Variants in ACAD9 observed in about 807,000 individuals in gnomAD.
ACAD9 encodes the protein complex I assembly factor ACAD9, mitochondrial.
In ACAD9, 53 loss-of-function variants were observed where a neutral mutation model predicts 70.2. That is an observed-to-expected ratio of 0.75 (90% CI 0.61 to 0.95). The LOEUF (loss-of-function observed/expected upper bound fraction) is 0.95, where lower values mean the gene tolerates loss of function less well. ACAD9 is among the 40% of genes least tolerant of loss of function. The pLI, the probability that ACAD9 is intolerant of heterozygous loss-of-function variation, is 0.00. For synonymous variants in ACAD9, 313 were observed against 312.1 expected (o/e 1.00, Z -0.03); for missense variants, 777 against 802.8 (o/e 0.97, Z 0.39).
Position 128,897,628 on chromosome 3 carries a change from G to T in ACAD9, c.555-4G>T, listed in dbSNP as rs768156087. 1.6e-5 allele frequency: 25 copies of T among 1,612,516 alleles called. No individual in the cohort carries two copies. The East Asian group carries it at 5.4e-4, about 35-fold the overall frequency. On this transcript the variant is annotated splice_polypyrimidine_tract_variant and splice_region_variant and intron_variant, in intron 5 of 17. Transcript: ENST00000308982. Reference sequence around the variant, plus strand: ...CCCTTGACCACATCTTTCTGCATCTGCAGTGGGAGCGATGCAGCCTCAATC... The same window carrying T: ...CCCTTGACCACATCTTTCTGCATCTTCAGTGGGAGCGATGCAGCCTCAATC...
chr3:128,899,549 T>TGC, intron 7 of ACAD9, 88 bp downstream of exon 7: 1 of 1,419,452 alleles, frequency 7.0e-7, no homozygotes, highest in Non-Finnish European at 9.6e-7. Context: ...TGTGTGTGTG[T>TGC]GTGTGTGTGT....
intron 6 of ACAD9, chr3:128,898,552 C>G (rs928520324): frequency 2.7e-6 from 1 of 368,594 alleles, no homozygotes; most frequent in African/African-American, 2.2e-5. Context: ...AGTACAGGCA[C>G]ACAGCTAACT....
chr3:128,901,537 G>A (rs1935740097), intron 8 of ACAD9, among the ~76,000 whole-genome samples, 188 bp downstream of exon 8: 1 of 152,196 alleles, frequency 6.6e-6, no homozygotes, highest in Admixed American at 6.5e-5. Context: ...AGAAGTGTAT[G>A]GTAAGGATTA....
intron 2 of ACAD9, among the ~76,000 whole-genome samples, chr3:128,889,115 G>A (rs1172421016): frequency 6.7e-6 from 1 of 148,652 alleles, no homozygotes; most frequent in African/African-American, 2.5e-5. Flanking sequence ...TGCCTACAGT[G>A]TTCAGCACAG....
At chr3:128,908,020 G>A (rs1935946795) in intron 12 of ACAD9, among the ~76,000 whole-genome samples, 165 bp from the exon 13 acceptor site, 1 of 152,230 alleles carries the variant, frequency 6.6e-6, no homozygotes, top group Admixed American at 6.5e-5. Flanking sequence ...TCATCCCTGT[G>A]CACTCCCTGA....
At chr3:128,907,323 G>T (rs1413601002) in intron 12 of ACAD9, among the ~76,000 whole-genome samples, 1 of 152,154 alleles carries the variant, frequency 6.6e-6, no homozygotes, top group Non-Finnish European at 1.5e-5. Flanking sequence ...CAGCCTGAGG[G>T]CACTGGAGTG....
intron 11 of ACAD9, among the ~76,000 whole-genome samples, chr3:128,905,093 A>C (rs929558597): frequency 6.6e-6 from 1 of 152,154 alleles, no homozygotes; most frequent in Admixed American, 6.5e-5. Context: ...GGTTGCAGTG[A>C]GCCGAGGTTG....
At chr3:128,897,801 C>G in intron 6 of ACAD9, 91 bp downstream of exon 6, 1 of 1,186,284 alleles carries the variant, frequency 8.4e-7, no homozygotes, top group South Asian at 1.3e-5. Context: ...GGGATTGTAC[C>G]TGCTGCTGTA....
intron 1 of ACAD9, among the ~76,000 whole-genome samples, chr3:128,881,253 GCATGGTGAAGAAAGAACA>G: frequency 6.6e-6 from 1 of 152,230 alleles, no homozygotes; most frequent in Admixed American, 6.5e-5. Context: ...CTATCCAGCA[GCATGGTGAAGAAAGAACA>G]CAGATCTTTC....
At chr3:128,886,201 C>T (rs1473732577) in intron 2 of ACAD9, among the ~76,000 whole-genome samples, 1 of 151,158 alleles carries the variant, frequency 6.6e-6, no homozygotes, top group Non-Finnish European at 1.5e-5. Flanking sequence ...CTCCCAGGTT[C>T]AAGTGATTCT....
intron 2 of ACAD9, among the ~76,000 whole-genome samples, chr3:128,886,506 C>T (rs938143226): frequency 1.1e-4 from 16 of 151,832 alleles, no homozygotes. Flanking sequence ...GTCGGGAGTT[C>T]GATACCAGCC....
rs1935225316 is a variant in ACAD9, at chr3:128,885,730, T to C, written c.244+984T>C. 2.7e-5 allele frequency among the ~76,000 whole-genome samples: 4 copies of C among 149,974 alleles called. No individual in the cohort carries two copies. In the Admixed American group the frequency reaches 2.7e-4, roughly 10 times the overall value. Reference sequence around the variant, plus strand: ...TAAAACTGAGAAATTTAAAATATACTGTGGGGCTGGGTGCAGTGGCTCACG... The same window carrying C: ...TAAAACTGAGAAATTTAAAATATACCGTGGGGCTGGGTGCAGTGGCTCACG... On this transcript the variant is annotated intron_variant, in intron 2 of 17. Coordinates refer to ENST00000308982, the MANE Select transcript of ACAD9 (RefSeq NM_014049.5).
intron 16 of ACAD9, 79 bp downstream of exon 16, chr3:128,910,228 G>T: frequency 6.2e-7 from 1 of 1,604,578 alleles, no homozygotes; most frequent in Non-Finnish European, 8.5e-7. Context: ...GATTGTTGAG[G>T]AGGGTGTGGT....
At chr3:128,881,312 C>T (rs1935085084) in intron 1 of ACAD9, among the ~76,000 whole-genome samples, 2 of 152,224 alleles carry the variant, frequency 1.3e-5, no homozygotes, top group Non-Finnish European at 2.9e-5. Context: ...ACCTCTGGCA[C>T]TACCTGCCCT....
chr3:128,885,595 T>G (rs1385118177), intron 2 of ACAD9, among the ~76,000 whole-genome samples: 1 of 152,178 alleles, frequency 6.6e-6, no homozygotes, highest in Non-Finnish European at 1.5e-5. Context: ...GTTCTCACTA[T>G]ATTGCCCAGG....
At chr3:128,900,929 CT>C (rs778530039) in intron 7 of ACAD9, among the ~76,000 whole-genome samples, 4 of 152,134 alleles carry the variant, frequency 2.6e-5, no homozygotes, top group Admixed American at 1.3e-4. Flanking sequence ...ATGCCTGGTT[CT>C]TTTCATTCTT....
At chr3:128,894,838 G>A (rs949262514) in intron 3 of ACAD9, among the ~76,000 whole-genome samples, 11 of 148,468 alleles carry the variant, frequency 7.4e-5, no homozygotes, top group Admixed American at 4.0e-4. Context: ...CCCAGCCCTC[G>A]ATTTTTGTTT....
At chr3:128,904,533 C>T (rs370866774) in intron 11 of ACAD9, 28 bp downstream of exon 11, 263 of 1,610,074 alleles carry the variant, frequency 1.6e-4, no homozygotes, top group East Asian at 3.3e-4. Context: ...AGAGAGCTGG[C>T]GCTGGAGGGA....
intron 8 of ACAD9, among the ~76,000 whole-genome samples, chr3:128,901,893 C>G (rs765716801): frequency 6.6e-6 from 1 of 152,194 alleles, no homozygotes; most frequent in Non-Finnish European, 1.5e-5. Flanking sequence ...GGCTGCTACT[C>G]TTTTACTTTA....
Sources: allele counts gnomAD v4.1 joint callset (sites outside exome capture counted in the v4.1 genomes callset), GRCh38; gene constraint gnomAD v4.1.1; transcripts MANE v1.5; gene names NCBI Gene and HGNC (gene_info 2026-07-23, HGNC 2026-07-21).